The following LHPP variants were observed in gnomAD, a reference collection of about 807,000 sequenced individuals.
LHPP encodes the protein phospholysine phosphohistidine inorganic pyrophosphate phosphatase, also known as hLHPP.
A neutral mutation model predicts 30.3 loss-of-function variants in LHPP; 24 were observed. The ratio of observed to expected loss-of-function variants is 0.79; its 90% CI spans 0.57 to 1.11. The LOEUF is 1.11. Among genes scored for constraint, LHPP ranks in the 50% most tolerant of loss-of-function variants. The probability of loss-of-function intolerance (pLI) is 0.00; values close to 1 mark genes in which losing one functional copy is unlikely to be tolerated. For missense variants in LHPP, 356 were observed against 367.2 expected (o/e 0.97, Z 0.25); for synonymous variants, 150 against 157.1 (o/e 0.95, Z 0.34).
At chr10:124,502,270 A>G (rs1589801330) in intron 5 of LHPP, among the ~76,000 whole-genome samples, 2 of 152,128 alleles carry the variant, frequency 1.3e-5, no homozygotes, top group South Asian at 2.1e-4. Context: ...TGTAGCAGTC[A>G]TGACCCTAGT....
intron 1 of LHPP, among the ~76,000 whole-genome samples, chr10:124,476,481 C>A (rs931264862): frequency 6.6e-6 from 1 of 152,150 alleles, no homozygotes; most frequent in African/African-American, 2.4e-5. Flanking sequence ...CCACCATCAC[C>A]CATCACTGTT....
At chr10:124,547,560 G>C (rs1955379998) in intron 6 of LHPP, among the ~76,000 whole-genome samples, 1 of 152,212 alleles carries the variant, frequency 6.6e-6, no homozygotes, top group South Asian at 2.1e-4. Context: ...GGCCTCCCTG[G>C]GGCCATGCTG....
At chr10:124,529,942 C>T (rs1437162491) in intron 6 of LHPP, among the ~76,000 whole-genome samples, 2 of 152,224 alleles carry the variant, frequency 1.3e-5, no homozygotes, top group Non-Finnish European at 2.9e-5. Flanking sequence ...GTGTGAGGGG[C>T]AGACATGGCA....
At chr10:124,606,365 T>C (rs181068034) in intron 6 of LHPP, among the ~76,000 whole-genome samples, 120 of 152,326 alleles carry the variant, frequency 7.9e-4, no homozygotes, top group African/African-American at 2.2e-3. Context: ...CGCTCAGTCC[T>C]GCCCCACTCC....
At position 124,576,331 on chromosome 10, in the gene LHPP, C is replaced by T. The variant is rs778868142; in HGVS notation, c.717-36933C>T. Among the ~76,000 whole-genome samples, 7 of 152,070 alleles carry T rather than the reference C, an allele frequency of 4.6e-5. No homozygotes were observed. The highest frequency in any genetic ancestry group is 7.4e-5 in the Non-Finnish European group (5 of 67,986). Reference sequence around the variant, plus strand: ...TGGGGTATGAGGCAGCATGTGGGGGCGCTGGGGTGGCAGCAGGGCCAGACC... The same window carrying T: ...TGGGGTATGAGGCAGCATGTGGGGGTGCTGGGGTGGCAGCAGGGCCAGACC... On this transcript the variant is annotated intron_variant, in intron 6 of 6. Transcript: ENST00000368842. The surrounding 1 kb of genome is among the most constrained non-coding windows in gnomAD (Gnocchi z 4.2).
chr10:124,607,296 AG>A (rs1949107676), intron 6 of LHPP, among the ~76,000 whole-genome samples: 1 of 152,190 alleles, frequency 6.6e-6, no homozygotes, highest in African/African-American at 2.4e-5. Flanking sequence ...GAGCTGCTTC[AG>A]GGGCTTTGGG....
intron 6 of LHPP, among the ~76,000 whole-genome samples, chr10:124,555,757 A>G (rs1166976678): frequency 6.6e-6 from 1 of 152,236 alleles, no homozygotes; most frequent in African/African-American, 2.4e-5. Flanking sequence ...TTTCAAAAAA[A>G]AATTCAATAT....
At chr10:124,516,261 C>G (rs899976879) in intron 5 of LHPP, among the ~76,000 whole-genome samples, 2 of 152,228 alleles carry the variant, frequency 1.3e-5, no homozygotes, top group African/African-American at 4.8e-5. Context: ...CTCCCATGGC[C>G]TCTCCTCTGT....
intron 6 of LHPP, among the ~76,000 whole-genome samples, chr10:124,537,459 G>A (rs990229808): frequency 1.5e-4 from 23 of 152,322 alleles, no homozygotes; most frequent in African/African-American, 3.1e-4. Flanking sequence ...TTGGCGATGC[G>A]GGGAGGCTGG....
rs575758538 is a variant in LHPP at position 124,515,707 on chromosome 10, G to A, written c.625-1473G>A. ...CAGCACCAGAGCAGGGTTGCCCTGGGTGAATCATTCCTCATAGTGAAGCCA... is the reference window on the plus strand; with the variant it reads ...CAGCACCAGAGCAGGGTTGCCCTGGATGAATCATTCCTCATAGTGAAGCCA... On this transcript the variant is annotated intron_variant, in intron 5 of 6. Transcript: ENST00000368842. Among the ~76,000 whole-genome samples, 5 of 152,322 alleles carry A rather than the reference G, an allele frequency of 3.3e-5. No individual in the cohort carries two copies. The South Asian group carries it at 1.0e-3, about 32-fold the overall frequency.
At chr10:124,530,677 G>T (rs963320626) in intron 6 of LHPP, among the ~76,000 whole-genome samples, 19 of 152,296 alleles carry the variant, frequency 1.2e-4, no homozygotes, top group African/African-American at 4.1e-4. Flanking sequence ...GCCTCTCGGG[G>T]CCCTGGGGCC....
intron 6 of LHPP, among the ~76,000 whole-genome samples, chr10:124,570,264 T>C (rs1270938590): frequency 3.3e-5 from 5 of 152,152 alleles, no homozygotes; most frequent in African/African-American, 1.2e-4. Context: ...GTGGACTCAC[T>C]GTCTCCCTCT....
At chr10:124,521,036 T>G (rs1201594179) in intron 6 of LHPP, among the ~76,000 whole-genome samples, 6 of 152,180 alleles carry the variant, frequency 3.9e-5, no homozygotes, top group African/African-American at 1.4e-4. Context: ...TGGCCCCAGG[T>G]GGCAGCTGCC....
Position 124,592,775 on chromosome 10 carries a change from C to G in LHPP, c.717-20489C>G, listed in dbSNP as rs1256950939. 6.6e-6 allele frequency among the ~76,000 whole-genome samples: 1 copy of G among 152,244 alleles called. No homozygotes were observed. The highest frequency in any genetic ancestry group is 2.4e-5 in the African/African-American group (1 of 41,468). On this transcript the variant is annotated intron_variant, in intron 6 of 6. Coordinates refer to ENST00000368842, the MANE Select transcript of LHPP (RefSeq NM_022126.4). This position sits in a 1 kb window ranked among gnomAD's most constrained non-coding sequence, Gnocchi z 6.2. ...GTTGACAGAGTGTCCTGGAGGGCAG[C>G]TTGTCTCCCTGGCCTGGAGATGAAA...
chr10:124,546,775 G>A (rs1056101049), intron 6 of LHPP, among the ~76,000 whole-genome samples: 6 of 152,112 alleles, frequency 3.9e-5, no homozygotes, highest in East Asian at 1.9e-4. Context: ...CTCATCATCC[G>A]TGCTCCCCAC....
At chr10:124,507,152 C>T (rs1954136168) in intron 5 of LHPP, among the ~76,000 whole-genome samples, 1 of 75,812 alleles carries the variant, frequency 1.3e-5, no homozygotes, top group Non-Finnish European at 2.5e-5. Flanking sequence ...GAGAGGATTT[C>T]AGGTGGGAGG....
chr10:124,577,841 G>A (rs946248992), intron 6 of LHPP, among the ~76,000 whole-genome samples: 1 of 152,070 alleles, frequency 6.6e-6, no homozygotes, highest in Non-Finnish European at 1.5e-5. Flanking sequence ...CGTCACAACT[G>A]TACTCAGCTA....
intron 1 of LHPP, among the ~76,000 whole-genome samples, chr10:124,472,316 A>T (rs1482816576): frequency 6.6e-6 from 1 of 152,194 alleles, no homozygotes; most frequent in Non-Finnish European, 1.5e-5. Flanking sequence ...CTGTCTCAAA[A>T]AAAATGTTGA....
intron 6 of LHPP, among the ~76,000 whole-genome samples, chr10:124,566,059 T>C (rs1471054978): frequency 6.6e-6 from 1 of 152,138 alleles, no homozygotes; most frequent in African/African-American, 2.4e-5. Flanking sequence ...TGCCTGGCAA[T>C]GTTTGTTGTG....
Sources: allele counts gnomAD v4.1 joint callset (sites outside exome capture counted in the v4.1 genomes callset), GRCh38; gene constraint gnomAD v4.1.1; non-coding constraint Gnocchi (gnomAD v3.1); transcripts MANE v1.5; gene names NCBI Gene and HGNC (gene_info 2026-07-23, HGNC 2026-07-21).